GRIK2: variants seen among roughly 807,000 people sequenced by gnomAD.
The protein encoded by GRIK2 is glutamate ionotropic receptor kainate type subunit 2.
In GRIK2, 32 loss-of-function variants were observed where a neutral mutation model predicts 100.3. The ratio of observed to expected loss-of-function variants is 0.32; its 90% CI spans 0.24 to 0.43. The LOEUF is 0.43. Among genes scored for constraint, GRIK2 ranks in the 20% least tolerant of loss-of-function variants. The pLI is 1.00. For synonymous variants in GRIK2, 417 were observed against 389.4 expected, an observed-to-expected ratio of 1.07 and a Z score of -0.83; for missense variants, 843 against 1,114.9, an observed-to-expected ratio of 0.76 and a Z score of 3.47.
At chr6:101,517,708 A>G (rs1161699103) in intron 2 of GRIK2, among the ~76,000 whole-genome samples, 1 of 152,172 alleles carries the variant, frequency 6.6e-6, no homozygotes, top group Non-Finnish European at 1.5e-5. Flanking sequence ...TGCTTTGATT[A>G]CTGAAAATGT....
intron 2 of GRIK2, among the ~76,000 whole-genome samples, chr6:101,424,724 C>A (rs992930767): frequency 4.6e-5 from 7 of 151,860 alleles, no homozygotes; most frequent in East Asian, 3.9e-4. Flanking sequence ...CCTCTCCCCC[C>A]ACCCACAACA....
chr6:101,451,055 A>T (rs1003911107), intron 2 of GRIK2, among the ~76,000 whole-genome samples: 12 of 151,630 alleles, frequency 7.9e-5, no homozygotes, highest in Non-Finnish European at 1.8e-4. Flanking sequence ...TGTGTTCTAT[A>T]CTTCAGCCAG....
intron 7 of GRIK2, among the ~76,000 whole-genome samples, chr6:101,782,959 C>T (rs1363488518): frequency 3.3e-5 from 5 of 151,446 alleles, no homozygotes; most frequent in Non-Finnish European, 7.4e-5. Context: ...CGGGTTCACA[C>T]CATTCTCCTG....
intron 14 of GRIK2, among the ~76,000 whole-genome samples, chr6:101,989,592 A>G (rs1429823553): frequency 1.3e-5 from 2 of 151,678 alleles, no homozygotes; most frequent in Non-Finnish European, 3.0e-5. Context: ...GATTTTGTCC[A>G]TATGAGAAAA....
chr6:101,793,534 CCG>C (rs1407127464), intron 7 of GRIK2, among the ~76,000 whole-genome samples: 3 of 152,110 alleles, frequency 2.0e-5, no homozygotes, highest in African/African-American at 7.2e-5. Flanking sequence ...TTTTCTTGTA[CCG>C]CGAATGCTGC....
chr6:101,705,273 C>T (rs1186465099), intron 7 of GRIK2, among the ~76,000 whole-genome samples: 1 of 151,360 alleles, frequency 6.6e-6, no homozygotes, highest in Admixed American at 6.6e-5. Context: ...CACCTTAATT[C>T]AGCTTTGTTA....
intron 2 of GRIK2, among the ~76,000 whole-genome samples, chr6:101,480,385 C>T (rs545667347): frequency 5.3e-5 from 8 of 152,214 alleles, no homozygotes; most frequent in African/African-American, 1.9e-4. Context: ...GCCTAAACTT[C>T]ATAGCATTCC....
At chr6:101,499,117 AAATT>A (rs1260083354) in intron 2 of GRIK2, among the ~76,000 whole-genome samples, 1 of 152,158 alleles carries the variant, frequency 6.6e-6, no homozygotes, top group Non-Finnish European at 1.5e-5. Flanking sequence ...CCTTATACAA[AAATT>A]AATTCAAGAT....
At chr6:102,042,238 A>AAGAT (rs970023427) in intron 15 of GRIK2, among the ~76,000 whole-genome samples, 3 of 151,774 alleles carry the variant, frequency 2.0e-5, no homozygotes, top group African/African-American at 7.2e-5. Context: ...AACAGAGCTC[A>AAGAT]AGATATACTA....
At chr6:101,574,159 G>A (rs1937136233) in intron 2 of GRIK2, among the ~76,000 whole-genome samples, 2 of 150,688 alleles carry the variant, frequency 1.3e-5, no homozygotes, top group African/African-American at 4.9e-5. Context: ...TAAATTATAG[G>A]TGTTTATATA....
chr6:101,896,731 A>G (rs937964684), intron 12 of GRIK2, among the ~76,000 whole-genome samples: 2 of 151,720 alleles, frequency 1.3e-5, no homozygotes, highest in African/African-American at 2.4e-5. Flanking sequence ...AGTCATTTTA[A>G]GTGTTTCCAC....
At chr6:102,051,902 G>A (rs979445751) in intron 15 of GRIK2, among the ~76,000 whole-genome samples, 2 of 152,156 alleles carry the variant, frequency 1.3e-5, no homozygotes, top group African/African-American at 4.8e-5. Context: ...CTTACAGTGT[G>A]ACTCCTGAGC....
At chr6:101,581,258 A>G (rs1437005681) in intron 2 of GRIK2, among the ~76,000 whole-genome samples, 2 of 150,816 alleles carry the variant, frequency 1.3e-5, no homozygotes, top group African/African-American at 4.9e-5. Context: ...ATATACACAT[A>G]TATCTACACG....
intron 14 of GRIK2, among the ~76,000 whole-genome samples, chr6:101,978,401 T>C (rs1376334626): frequency 2.6e-5 from 4 of 152,032 alleles, no homozygotes; most frequent in Non-Finnish European, 5.9e-5. Context: ...TGACTAAATA[T>C]AGTAATATAA....
intron 16 of GRIK2, among the ~76,000 whole-genome samples, chr6:102,058,155 C>T (rs1027815601): frequency 6.6e-6 from 1 of 151,812 alleles, no homozygotes; most frequent in Non-Finnish European, 1.5e-5. Flanking sequence ...TATCTTCACG[C>T]TGCGAACCCC....
At chr6:101,651,985 C>A (rs1260989023) in intron 4 of GRIK2, among the ~76,000 whole-genome samples, 1 of 152,038 alleles carries the variant, frequency 6.6e-6, no homozygotes, top group African/African-American at 2.4e-5. Flanking sequence ...GTGAAGAAAT[C>A]ATGACAAAGA....
chr6:101,562,946 G>A (rs1012613758), intron 2 of GRIK2, among the ~76,000 whole-genome samples: 3 of 152,154 alleles, frequency 2.0e-5, no homozygotes, highest in African/African-American at 7.2e-5. Flanking sequence ...TATGAGGAAA[G>A]GGGCAGTGAA....
chr6:101,617,223 A>G (rs1289567603), intron 2 of GRIK2, among the ~76,000 whole-genome samples: 3 of 151,780 alleles, frequency 2.0e-5, no homozygotes, highest in African/African-American at 7.2e-5. Context: ...AGTTCTAGTA[A>G]TAAGTATCCA....
chr6:102,032,366 A>G (rs539065724), intron 14 of GRIK2, among the ~76,000 whole-genome samples: 10 of 151,390 alleles, frequency 6.6e-5, no homozygotes, highest in Admixed American at 4.0e-4. Flanking sequence ...GCAGTAAATT[A>G]TCTACGAGAG....
Sources: allele counts gnomAD v4.1 joint callset (sites outside exome capture counted in the v4.1 genomes callset), GRCh38; gene constraint gnomAD v4.1.1; transcripts MANE v1.5; gene names NCBI Gene and HGNC (gene_info 2026-07-23, HGNC 2026-07-21).